PRG3: variants seen among roughly 807,000 people sequenced by gnomAD.
PRG3 encodes the protein proteoglycan 3, pro eosinophil major basic protein 2, also known as proteoglycan 3.
In PRG3, 25 loss-of-function variants were observed where a neutral mutation model predicts 26.1. That is an observed-to-expected ratio of 0.96 (90% CI 0.70 to 1.34). The LOEUF is 1.34. PRG3 is among the 40% of genes most tolerant of loss of function. The probability of loss-of-function intolerance (pLI) is 0.00; values close to 1 mark genes in which losing one functional copy is unlikely to be tolerated. For missense variants in PRG3, 280 were observed against 264.8 expected, an observed-to-expected ratio of 1.06 and a Z score of -0.40; for synonymous variants, 111 against 100.4, an observed-to-expected ratio of 1.11 and a Z score of -0.63.
Position 57,376,838 on chromosome 11 carries a change from C to T in PRG3, c.*12G>A. The stretch of plus-strand genomic sequence containing the variant: ...GGGAGGGAGCTGCTGGCAGGGTCTC[C>T]GTGCCGCTGGCTTAGAAGGAGCAGA... On this transcript the variant is annotated 3_prime_UTR_variant, in exon 6 of 6. Coordinates refer to ENST00000287143, the MANE Select transcript of PRG3 (RefSeq NM_006093.4). 4 of 1,612,348 alleles carry T rather than the reference C, an allele frequency of 2.5e-6. No individual in the cohort carries two copies. In the East Asian group the frequency reaches 6.7e-5, roughly 27 times the overall value.
At chr11:57,380,625 G>A in intron 2 of PRG3, 23 bp downstream of exon 2, 2 of 1,551,050 alleles carry the variant, frequency 1.3e-6, no homozygotes, top group Non-Finnish European at 1.7e-6. Context: ...AAAGACGCAT[G>A]AGGAGGGAAG....
intron 2 of PRG3, 79 bp downstream of exon 2, chr11:57,380,569 C>T (rs1856989890): frequency 1.5e-6 from 2 of 1,317,222 alleles, no homozygotes; most frequent in South Asian, 2.9e-5. Flanking sequence ...CTCATGAGTG[C>T]AAATAAAAGC....
chr11:57,379,423 A>G (rs762422766), intron 3 of PRG3, 71 bp downstream of exon 3: 1 of 1,410,444 alleles, frequency 7.1e-7, no homozygotes, highest in Non-Finnish European at 9.6e-7. Flanking sequence ...AGCCTAAATG[A>G]ATAGGGAACA....
intron 1 of PRG3, 77 bp from the exon 2 acceptor site, chr11:57,380,858 A>G (rs979006813): frequency 9.0e-6 from 5 of 553,448 alleles, no homozygotes; most frequent in Middle Eastern, 3.3e-4. Context: ...TCCTCTTGCC[A>G]TGAACAGACC....
intron 2 of PRG3, among the ~76,000 whole-genome samples, 198 bp downstream of exon 2, chr11:57,380,450 A>AAC (rs1306535318): frequency 0.011 from 1,584 of 150,838 alleles, 10 homozygotes; most frequent in Non-Finnish European, 0.016. Flanking sequence ...ACAACAACAA[A>AAC]AAAAAATCAA....
At chr11:57,380,463 A>G (rs1856989091) in intron 2 of PRG3, among the ~76,000 whole-genome samples, 185 bp downstream of exon 2, 1 of 152,182 alleles carries the variant, frequency 6.6e-6, no homozygotes, top group South Asian at 2.1e-4. Context: ...AAAATCAAAC[A>G]AAAAAGAGAA....
rs1393302404 is a variant in PRG3, at chr11:57,377,751, C to A, written c.593G>T (p.Gly198Val). 3 of 1,612,896 alleles carry A rather than the reference C, an allele frequency of 1.9e-6. No homozygotes were observed. Among genetic ancestry groups the A allele is most frequent in the Non-Finnish European group, 2.5e-6 (3 of 1,179,918 alleles). Residue 198 changes from glycine (G) to valine (V), a missense_variant, in exon 5 of 6, where the codon GGC becomes GTC. Coordinates refer to ENST00000287143, the MANE Select transcript of PRG3 (RefSeq NM_006093.4). ...WSPGQPGNGQ[G>V]SCVALCTKGG... ...TTTGGTGCATAGGGCCACACAGGAGCCTTGCCCATTCCCAGGTTGCCCTGG... is the reference window on the plus strand; with the variant it reads ...TTTGGTGCATAGGGCCACACAGGAGACTTGCCCATTCCCAGGTTGCCCTGG...
Position 57,379,672 on chromosome 11 carries a change from G to T in PRG3, c.197C>A (p.Ala66Asp). 6.2e-7 allele frequency: 1 copy of T among 1,613,976 alleles called. No homozygotes were observed. Among genetic ancestry groups the T allele is most frequent in the African/African-American group, 1.3e-5 (1 of 75,058 alleles). ...CTCAAAGTTGTCTTGACAGGCAGAA[G>T]CCTTGACCTCCTCTCCCTCTGCCTG... ...VIQAEGEEVK[A>D]SACQDNFEDE... Residue 66 changes from alanine (A) to aspartate (D), a missense_variant, in exon 3 of 6, where the codon GCT becomes GAT. Ala to Asp is a moderately radical substitution (Grantham distance 126, BLOSUM62 -2). Transcript: ENST00000287143.
chr11:57,378,332 T>C (rs940685077), intron 4 of PRG3, among the ~76,000 whole-genome samples: 1 of 152,150 alleles, frequency 6.6e-6, no homozygotes, highest in Non-Finnish European at 1.5e-5. Context: ...GCCTGGACTC[T>C]GTCTCATGAC....
intron 3 of PRG3, 87 bp from the exon 4 acceptor site, chr11:57,378,899 G>T: frequency 6.5e-7 from 1 of 1,535,242 alleles, no homozygotes; most frequent in Non-Finnish European, 8.9e-7. Flanking sequence ...CCCTTTTCAG[G>T]TTAAAAATAA....
intron 4 of PRG3, 136 bp downstream of exon 4, chr11:57,378,545 C>G (rs573362678): frequency 8.4e-7 from 1 of 1,190,018 alleles, no homozygotes. Flanking sequence ...TGAGCCAGTA[C>G]AAGCCATCTC....
At chr11:57,379,375 C>G (rs1052536489) in intron 3 of PRG3, 119 bp downstream of exon 3, 3 of 1,046,362 alleles carry the variant, frequency 2.9e-6, no homozygotes, top group Non-Finnish European at 4.1e-6. Context: ...ACAACAACTC[C>G]AGGTGATTCT....
chr11:57,377,682 C>A, intron 5 of PRG3, 43 bp downstream of exon 5: 1 of 1,515,812 alleles, frequency 6.6e-7, no homozygotes, highest in East Asian at 2.3e-5. Flanking sequence ...TAAGAATCCA[C>A]TTTACTATCC....
At chr11:57,380,590 G>A in intron 2 of PRG3, 58 bp downstream of exon 2, 2 of 1,420,570 alleles carry the variant, frequency 1.4e-6, no homozygotes, top group South Asian at 1.3e-5. Context: ...GGGGGGAGGG[G>A]AGTGTAGGAA....
chr11:57,379,538 G>A lies in PRG3; in HGVS notation c.331C>T (p.Arg111Cys), dbSNP rs746229599. ...VQGSPRCKIC[R>C]YLLVRTPKTF... is the part of the protein sequence containing the mutation. ...TTAGGAGTCCGCACCAATAGGTAGC[G>A]GCAGATCTTGCACCTTGGACTTCCC... The change falls in exon 3 of 6, where the codon CGC (arginine) becomes TGC (cysteine). Residue 111 changes from arginine (R) to cysteine (C), a missense_variant. Coordinates refer to ENST00000287143, the MANE Select transcript of PRG3 (RefSeq NM_006093.4). 9.3e-6 allele frequency: 15 copies of A among 1,613,374 alleles called. No individual in the cohort carries two copies. Among genetic ancestry groups the A allele is most frequent in the African/African-American group, 4.0e-5 (3 of 74,920 alleles).
In PRG3 at chr11:57,379,510, G is replaced by C. The variant is rs751123853; in HGVS notation, c.359C>G (p.Thr120Ser). ...CRYLLVRTPK[T>S]FAEAQNVCSR... Reference sequence around the variant, plus strand: ...ACTACTTACCTGAGCTTCTGCAAAAGTTTTAGGAGTCCGCACCAATAGGTA... The same window carrying C: ...ACTACTTACCTGAGCTTCTGCAAAACTTTTAGGAGTCCGCACCAATAGGTA... The change falls in exon 3 of 6, where the codon ACT becomes AGT. Residue 120 changes from threonine (T) to serine (S), a missense_variant. By Grantham distance (58) the Thr-to-Ser change is moderately conservative. Transcript: ENST00000287143. The C allele has an allele frequency of 1.2e-6, 2 of 1,610,334 alleles. No individual in the cohort carries two copies. The highest frequency in any genetic ancestry group is 4.5e-5 in the East Asian group (2 of 44,838).
intron 5 of PRG3, 134 bp from the exon 6 acceptor site, chr11:57,377,042 A>G: frequency 2.3e-6 from 2 of 853,794 alleles, no homozygotes; most frequent in Non-Finnish European, 3.8e-6. Flanking sequence ...CTTGCCCCAC[A>G]TCCCTACTGG....
chr11:57,380,649 C>A lies in PRG3; in HGVS notation c.60G>T (p.Leu20=). The A allele has an allele frequency of 6.3e-7, 1 of 1,574,866 alleles. No homozygotes were observed. Among genetic ancestry groups the A allele is most frequent in the South Asian group, 1.2e-5 (1 of 84,308 alleles). ...TGAGGAGGGAAGGGAGAGACTTACC[C>A]AGATGAAGAGCAGAAACTGTTCCCA... ...LLLGTVSALH[L]ENDAPHLESL... The change falls in exon 2 of 6, where the codon CTG becomes CTT. Residue 20 remains leucine (L), a splice_region_variant and synonymous_variant. Coordinates refer to ENST00000287143, the MANE Select transcript of PRG3 (RefSeq NM_006093.4).
chr11:57,376,946 G>A (rs1856951247), intron 5 of PRG3, 38 bp from the exon 6 acceptor site: 2 of 1,609,444 alleles, frequency 1.2e-6, no homozygotes, highest in Non-Finnish European at 1.7e-6. Flanking sequence ...ACCGCCCTGC[G>A]GGGTCTGGCC....
Sources: gnomAD v4.1 joint callset for allele counts (sites outside exome capture counted in the v4.1 genomes callset) on GRCh38, gnomAD v4.1.1 for gene constraint, MANE v1.5 for transcripts, NCBI Gene and HGNC (gene_info 2026-07-23, HGNC 2026-07-21) for gene names.